Variants in SEMA4D observed in about 807,000 individuals in gnomAD.
SEMA4D encodes semaphorin-4D.
SEMA4D carries 22 observed loss-of-function variants against 74.8 expected under a neutral mutation model. The observed-to-expected ratio is 0.29, with a 90% confidence interval of 0.21 to 0.42. The LOEUF (loss-of-function observed/expected upper bound fraction) is 0.42, where lower values mean the gene tolerates loss of function less well. Ranked by LOEUF, SEMA4D falls within the 10% of genes least tolerant of loss-of-function variation. SEMA4D has a pLI of 1.00. For missense variants in SEMA4D, 937 were observed against 1,118.4 expected (o/e 0.84, Z 2.31); for synonymous variants, 445 against 463.7 (o/e 0.96, Z 0.52).
chr9:89,447,060 G>A (rs1311842685), intron 2 of SEMA4D, among the ~76,000 whole-genome samples: 6 of 152,028 alleles, frequency 3.9e-5, no homozygotes, highest in African/African-American at 1.2e-4. Context: ...TCCCACCGCA[G>A]CCCAGCAGCC....
intron 1 of SEMA4D, among the ~76,000 whole-genome samples, chr9:89,461,550 A>G (rs1349327218): frequency 6.6e-6 from 1 of 152,230 alleles, no homozygotes; most frequent in Non-Finnish European, 1.5e-5. Context: ...TGTGGGCACC[A>G]CAGGAAGGCT....
intron 16 of SEMA4D, among the ~76,000 whole-genome samples, chr9:89,370,022 GTGT>G (rs1421668151): frequency 1.3e-5 from 2 of 151,856 alleles, no homozygotes; most frequent in Admixed American, 6.6e-5. Context: ...TGTGTGATGT[GTGT>G]TGTATGCTGT....
In SEMA4D at chr9:89,396,728, C is replaced by G. The variant is rs377622212; in HGVS notation, c.414+9G>C. The G allele has an allele frequency of 9.3e-5, 150 of 1,610,874 alleles. 2 individuals carry two copies. The highest frequency in any genetic ancestry group is 1.6e-4 in the Middle Eastern group (1 of 6,080). On this transcript the variant is annotated intron_variant, in intron 6 of 15. Coordinates refer to ENST00000422704, the MANE Select transcript of SEMA4D (RefSeq NM_001371194.2). ...GGCGTGAGCACAGGGAGGTGCCCATCAGCCTTACCAGGTGGTCACAGGCCG... is the reference window on the plus strand; with the variant it reads ...GGCGTGAGCACAGGGAGGTGCCCATGAGCCTTACCAGGTGGTCACAGGCCG...
chr9:89,422,905 T>C (rs1847274396), intron 2 of SEMA4D, among the ~76,000 whole-genome samples: 1 of 152,218 alleles, frequency 6.6e-6, no homozygotes, highest in African/African-American at 2.4e-5. Flanking sequence ...AAGACACAAG[T>C]GCTGGGATCT....
chr9:89,388,770 C>T lies in SEMA4D; in HGVS notation c.973G>A (p.Val325Met), dbSNP rs757825361. 3 of 1,606,984 alleles carry T rather than the reference C, an allele frequency of 1.9e-6. No homozygotes were observed. The South Asian group carries it at 3.3e-5, about 18-fold the overall frequency. Residue 325 changes from valine to methionine, a missense_variant, in exon 11 of 16, where the codon GTG becomes ATG. Transcript: ENST00000422704. ...GCTGTGGACAGGTTGTAGGCGCACA[C>T]TGCCGACAGCCCCACGTTGTTCCTG... ...PQLNNVGLSAVCAYNLSTAEE... is the reference protein window; with the variant it reads ...PQLNNVGLSAMCAYNLSTAEE...
At chr9:89,480,780 T>G (rs892746173) in intron 1 of SEMA4D, among the ~76,000 whole-genome samples, 2 of 152,202 alleles carry the variant, frequency 1.3e-5, no homozygotes, top group Non-Finnish European at 2.9e-5. Context: ...ACACAGCCCC[T>G]GTTCCCGCTC....
chr9:89,470,139 C>T (rs757412319), intron 1 of SEMA4D, among the ~76,000 whole-genome samples: 11 of 152,254 alleles, frequency 7.2e-5, no homozygotes, highest in Non-Finnish European at 1.6e-4. Flanking sequence ...ATAAAGTGAA[C>T]TGCATCAAAA....
Position 89,407,931 on chromosome 9 carries a change from C to G in SEMA4D, c.-243-2232G>C, listed in dbSNP as rs145017834. ...TCTGAGAGGCTTTTCCTCTGTATAA[C>G]TGATTGGTAATTAGGAGTGGCTCCC... On this transcript the variant is annotated intron_variant, in intron 2 of 15. Transcript: ENST00000422704. 4.6e-5 allele frequency among the ~76,000 whole-genome samples: 7 copies of G among 152,388 alleles called. No individual in the cohort carries two copies. In the East Asian group the frequency reaches 1.3e-3, roughly 29 times the overall value.
At chr9:89,411,321 C>A (rs1468779981) in intron 2 of SEMA4D, among the ~76,000 whole-genome samples, 1 of 152,140 alleles carries the variant, frequency 6.6e-6, no homozygotes, top group Non-Finnish European at 1.5e-5. Context: ...CTTATCACTG[C>A]CCAGTTGCAT....
At chr9:89,445,986 T>G (rs1331067653) in intron 2 of SEMA4D, among the ~76,000 whole-genome samples, 1 of 151,972 alleles carries the variant, frequency 6.6e-6, no homozygotes, top group Non-Finnish European at 1.5e-5. Context: ...CCGGACCCCC[T>G]CCCTTCCAGG....
chr9:89,453,123 C>G (rs957872890), intron 2 of SEMA4D, among the ~76,000 whole-genome samples: 1 of 152,206 alleles, frequency 6.6e-6, no homozygotes, highest in Non-Finnish European at 1.5e-5. Flanking sequence ...AAGCCCAGCT[C>G]CTATGAACAG....
chr9:89,430,591 C>T (rs981533976), intron 2 of SEMA4D, among the ~76,000 whole-genome samples: 1 of 152,198 alleles, frequency 6.6e-6, no homozygotes, highest in South Asian at 2.1e-4. Flanking sequence ...ATTTCCAAGG[C>T]CTCAGCAACC....
At chr9:89,426,387 C>T (rs1848114559) in intron 2 of SEMA4D, among the ~76,000 whole-genome samples, 1 of 152,230 alleles carries the variant, frequency 6.6e-6, no homozygotes, top group Non-Finnish European at 1.5e-5. Flanking sequence ...GACCACAGCT[C>T]GTAACCAGAA....
rs569867560 is a variant in SEMA4D at position 89,426,242 on chromosome 9, G to C, written c.-243-20543C>G. On this transcript the variant is annotated intron_variant, in intron 2 of 15. Coordinates refer to ENST00000422704, the MANE Select transcript of SEMA4D (RefSeq NM_001371194.2). ...GCACGGCATGAGGGGATAGGCCCAG[G>C]AGCCTCAGGACAGGCCCCAGTCCAA... is the stretch of plus-strand genomic sequence containing the variant. 1.6e-4 allele frequency among the ~76,000 whole-genome samples: 24 copies of C among 152,344 alleles called. No individual in the cohort carries two copies. In the South Asian group the frequency reaches 5.0e-3, roughly 32 times the overall value.
intron 1 of SEMA4D, among the ~76,000 whole-genome samples, chr9:89,491,052 CAGTT>C (rs1316380502): frequency 7.8e-6 from 1 of 128,322 alleles, no homozygotes; most frequent in African/African-American, 2.9e-5. Flanking sequence ...TGTCAAAACT[CAGTT>C]AGCTGTGTTT....
chr9:89,423,555 C>T (rs372741505), intron 2 of SEMA4D, among the ~76,000 whole-genome samples: 6 of 152,252 alleles, frequency 3.9e-5, no homozygotes, highest in African/African-American at 1.4e-4. Flanking sequence ...TAGTTTCTCC[C>T]CCAACTATGG....
chr9:89,402,115 A>G (rs1842339229), intron 4 of SEMA4D, among the ~76,000 whole-genome samples: 1 of 152,228 alleles, frequency 6.6e-6, no homozygotes, highest in Non-Finnish European at 1.5e-5. Flanking sequence ...CAGGAGGCTG[A>G]GGCAAGAGGA....
Position 89,378,590 on chromosome 9 carries a change from C to T in SEMA4D, c.*114G>A, listed in dbSNP as rs1016991387. 8.6e-5 allele frequency: 62 copies of T among 722,184 alleles called. No homozygotes were observed. The highest frequency in any genetic ancestry group is 7.6e-4 in the Middle Eastern group (2 of 2,636). The allele number at this position is 722,184 out of a possible 1,614,324, so 44.7% of individuals were successfully genotyped here. On this transcript the variant is annotated 3_prime_UTR_variant, in exon 16 of 16. Transcript: ENST00000422704. ...GAGGACTGAGGTTGTCTGCACGATGCGGGCTAACCTACGCAGCACTGCACG... is the reference window on the plus strand; with the variant it reads ...GAGGACTGAGGTTGTCTGCACGATGTGGGCTAACCTACGCAGCACTGCACG...
intron 4 of SEMA4D, among the ~76,000 whole-genome samples, chr9:89,400,783 T>C (rs972109517): frequency 3.3e-5 from 5 of 150,078 alleles, no homozygotes; most frequent in Non-Finnish European, 6.0e-5. Context: ...GGTCTCTTTA[T>C]TTTTTTCTTT....
Sources: allele counts gnomAD v4.1 joint callset (sites outside exome capture counted in the v4.1 genomes callset), GRCh38; gene constraint gnomAD v4.1.1; transcripts MANE v1.5; gene names NCBI Gene and HGNC (gene_info 2026-07-23, HGNC 2026-07-21).